The following GSG1 variants were observed in gnomAD, a reference collection of about 807,000 sequenced individuals.
The protein encoded by GSG1 is germ cell associated 1.
In GSG1, 28 loss-of-function variants were observed where a neutral mutation model predicts 30.8. That is an observed-to-expected ratio of 0.91 (90% CI 0.67 to 1.25). The LOEUF (loss-of-function observed/expected upper bound fraction) is 1.25. GSG1 is among the 50% of genes most tolerant of loss of function. GSG1 has a pLI of 0.00. For synonymous variants in GSG1, 162 were observed against 178.0 expected (o/e 0.91, Z 0.71); for missense variants, 435 against 444.7 (o/e 0.98, Z 0.20).
chr12:13,097,708 G>C lies in GSG1; in HGVS notation c.48+5757C>G, dbSNP rs118121632. Among the ~76,000 whole-genome samples the C allele has an allele frequency of 5.0e-4, 76 of 152,306 alleles. 1 individual carries two copies. The East Asian group carries it at 0.014, about 29-fold the overall frequency. ...CATAGTAGTTCTGGGTGAGGCCCAG[G>C]AATTGGTAATTTTAGAAAGTTCTTA... On this transcript the variant is annotated intron_variant, in intron 1 of 6. Transcript: ENST00000651961.
At chr12:13,090,934 A>T in intron 1 of GSG1, 116 bp from the exon 2 acceptor site, 1 of 816,986 alleles carries the variant, frequency 1.2e-6, no homozygotes, top group Non-Finnish European at 1.9e-6. Flanking sequence ...TACTCCTCCA[A>T]GGCAGATAGG....
At position 13,093,759 on chromosome 12, in the gene GSG1, T is replaced by C. The variant is rs1405433567; in HGVS notation, c.49-2941A>G. ...AAGTGCCTGCCTCACAGTGGGGACATAGGGGAGGCTGCCGAAAGAACTGAG... is the reference window on the plus strand; with the variant it reads ...AAGTGCCTGCCTCACAGTGGGGACACAGGGGAGGCTGCCGAAAGAACTGAG... On this transcript the variant is annotated intron_variant, in intron 1 of 6. Transcript: ENST00000651961. The surrounding 1 kb of genome is among the most constrained non-coding windows in gnomAD (Gnocchi z 4.6). 6.6e-6 allele frequency among the ~76,000 whole-genome samples: 1 copy of C among 152,126 alleles called. No homozygotes were observed. The highest frequency in any genetic ancestry group is 2.4e-5 in the African/African-American group (1 of 41,446).
At position 13,093,930 on chromosome 12, in the gene GSG1, G is replaced by A. The variant is rs570439372; in HGVS notation, c.49-3112C>T. Among the ~76,000 whole-genome samples the A allele has an allele frequency of 8.4e-4, 128 of 152,334 alleles. No homozygotes were observed. The highest frequency in any genetic ancestry group is 1.7e-3 in the Non-Finnish European group (118 of 68,034). ...GCCAGATTTAATTGGACTTAGAGAAGTAATTTGGCAAGTCTCTCACTTTGT... is the reference window on the plus strand; with the variant it reads ...GCCAGATTTAATTGGACTTAGAGAAATAATTTGGCAAGTCTCTCACTTTGT... On this transcript the variant is annotated intron_variant, in intron 1 of 6. Coordinates refer to ENST00000651961, the MANE Select transcript of GSG1 (RefSeq NM_001080555.4). The surrounding 1 kb of genome is among the most constrained non-coding windows in gnomAD (Gnocchi z 4.6).
chr12:13,102,666 T>C (rs546561990), intron 1 of GSG1, among the ~76,000 whole-genome samples: 2 of 152,342 alleles, frequency 1.3e-5, no homozygotes, highest in East Asian at 3.9e-4. Flanking sequence ...GCTCCCTGTG[T>C]TGGAGTGTAT....
chr12:13,096,242 G>A (rs1343138476), intron 1 of GSG1, among the ~76,000 whole-genome samples: 1 of 152,102 alleles, frequency 6.6e-6, no homozygotes, highest in Non-Finnish European at 1.5e-5. Context: ...GGGAGGCCTA[G>A]GTGGGCGGAT....
At chr12:13,094,172 C>T (rs1054566713) in intron 1 of GSG1, among the ~76,000 whole-genome samples, 10 of 152,182 alleles carry the variant, frequency 6.6e-5, no homozygotes, top group African/African-American at 2.4e-4. Flanking sequence ...TTATCACACC[C>T]AGCTTACTGT....
chr12:13,086,543 T>C (rs1167868309), intron 6 of GSG1, among the ~76,000 whole-genome samples: 3 of 152,222 alleles, frequency 2.0e-5, no homozygotes, highest in African/African-American at 7.2e-5. Flanking sequence ...AGATAATATT[T>C]AACTTGAATG....
At chr12:13,102,317 T>C (rs1270062732) in intron 1 of GSG1, among the ~76,000 whole-genome samples, 2 of 152,236 alleles carry the variant, frequency 1.3e-5, no homozygotes, top group Admixed American at 6.5e-5. Context: ...CTCCTGCAGA[T>C]TGAGGCAATG....
rs143989244 is a variant in GSG1, at chr12:13,090,807, C to T, written c.60G>A (p.Ser20=). The change falls in exon 2 of 7, where the codon TCG becomes TCA. Residue 20 remains serine, a synonymous_variant. Transcript: ENST00000651961. ...NVCLTQEMEL[S]KAFSGQRTLL... ...GTGTCCGCTGGCCAGAGAAGGCCTT[C>T]GAGAGCTCCATCTGTAATAGACAAG... The T allele has an allele frequency of 2.4e-5, 39 of 1,610,314 alleles. No homozygotes were observed. Among genetic ancestry groups the T allele is most frequent in the Admixed American group, 5.0e-5 (3 of 59,818 alleles).
At chr12:13,098,134 GTTCT>G (rs965489685) in intron 1 of GSG1, among the ~76,000 whole-genome samples, 6 of 150,140 alleles carry the variant, frequency 4.0e-5, no homozygotes, top group Admixed American at 2.6e-4. Context: ...GGAATTTTGT[GTTCT>G]TTGTTTTTTT....
chr12:13,099,275 TAGAAC>T (rs1862975012), intron 1 of GSG1, among the ~76,000 whole-genome samples: 1 of 152,208 alleles, frequency 6.6e-6, no homozygotes, highest in South Asian at 2.1e-4. Context: ...TTTCCTCTCT[TAGAAC>T]AGAAGAAGTA....
At position 13,095,816 on chromosome 12, in the gene GSG1, A is replaced by G. The variant is rs913869670; in HGVS notation, c.49-4998T>C. The G allele has an allele frequency of 5.4e-6, 8 of 1,472,204 alleles. No homozygotes were observed. The African/African-American group carries it at 8.4e-5, about 15-fold the overall frequency. 91.2% of individuals were successfully genotyped at this position (1,472,204 alleles called of 1,614,324 possible). The stretch of plus-strand genomic sequence containing the variant: ...CGGGCATTTAATAATTGACAAGGCA[A>G]TCAGGGCCCAGCTGTTCTGGGAGAT... On this transcript the variant is annotated intron_variant, in intron 1 of 6. Transcript: ENST00000651961.
At chr12:13,097,026 G>A (rs959652665) in intron 1 of GSG1, among the ~76,000 whole-genome samples, 1 of 151,984 alleles carries the variant, frequency 6.6e-6, no homozygotes, top group Non-Finnish European at 1.5e-5. Flanking sequence ...GGAGATGGAG[G>A]TTGCAGTGAG....
At chr12:13,086,462 A>T (rs1205349831) in intron 6 of GSG1, among the ~76,000 whole-genome samples, 3 of 152,208 alleles carry the variant, frequency 2.0e-5, no homozygotes, top group Non-Finnish European at 4.4e-5. Context: ...TTAGACAGTA[A>T]ATATCAGTAC....
In GSG1 at chr12:13,101,277, C is replaced by A. The variant is rs545545829; in HGVS notation, c.48+2188G>T. Among the ~76,000 whole-genome samples, 21 of 152,268 alleles carry A rather than the reference C, an allele frequency of 1.4e-4. No homozygotes were observed. In the East Asian group the frequency reaches 4.1e-3, roughly 30 times the overall value. On this transcript the variant is annotated intron_variant, in intron 1 of 6. Transcript: ENST00000651961. This position sits in a 1 kb window ranked among gnomAD's most constrained non-coding sequence, Gnocchi z 5.8. ...CCTCCCACCCTGATGAGTAACGCGC[C>A]GTCTCTCCCGTTTACTACGGCGCCC...
At chr12:13,096,570 G>A (rs1354281765) in intron 1 of GSG1, among the ~76,000 whole-genome samples, 2 of 151,976 alleles carry the variant, frequency 1.3e-5, no homozygotes, top group African/African-American at 4.8e-5. Flanking sequence ...TGGCAAAGAT[G>A]CAGATAGAAT....
chr12:13,092,681 A>G (rs541447687), intron 1 of GSG1, among the ~76,000 whole-genome samples: 55 of 152,364 alleles, frequency 3.6e-4, no homozygotes, highest in African/African-American at 1.2e-3. Context: ...CAACTAGCAC[A>G]GTATTTTACA....
intron 1 of GSG1, among the ~76,000 whole-genome samples, chr12:13,100,042 T>A (rs1863082934): frequency 6.6e-6 from 1 of 152,246 alleles, no homozygotes; most frequent in Non-Finnish European, 1.5e-5. Context: ...TACTTGTCTG[T>A]CATGCTCATT....
At chr12:13,099,738 GTGTTTTTTTT>G (rs1419418232) in intron 1 of GSG1, among the ~76,000 whole-genome samples, 8 of 131,652 alleles carry the variant, frequency 6.1e-5, no homozygotes, top group Admixed American at 3.1e-4. Flanking sequence ...AAGGGATCCG[GTGTTTTTTTT>G]TGTTTTTTTT....
Sources: gnomAD v4.1 joint callset for allele counts (sites outside exome capture counted in the v4.1 genomes callset) on GRCh38, gnomAD v4.1.1 for gene constraint, Gnocchi (gnomAD v3.1) non-coding constraint, MANE v1.5 for transcripts, NCBI Gene and HGNC (gene_info 2026-07-23, HGNC 2026-07-21) for gene names.